QSOX1: variants seen among roughly 807,000 people sequenced by gnomAD.
QSOX1 encodes the protein quiescin sulfhydryl oxidase 1.
QSOX1 carries 40 observed loss-of-function variants against 76.1 expected under a neutral mutation model. The observed-to-expected ratio is 0.53, with a 90% CI of 0.41 to 0.68. The LOEUF is 0.68. Ranked by LOEUF, QSOX1 falls within the 30% of genes least tolerant of loss-of-function variation. The probability of loss-of-function intolerance (pLI) is 0.00; values close to 1 mark genes in which losing one functional copy is unlikely to be tolerated. For synonymous variants in QSOX1, 392 were observed against 413.1 expected (o/e 0.95, Z 0.62); for missense variants, 931 against 974.3 (o/e 0.96, Z 0.59).
intron 2 of QSOX1, among the ~76,000 whole-genome samples, chr1:180,169,346 G>A (rs1273426032): frequency 6.6e-6 from 1 of 151,580 alleles, no homozygotes; most frequent in Non-Finnish European, 1.5e-5. Flanking sequence ...GGAGCAAGGG[G>A]TACACAGCAC....
rs932108891 is a variant in QSOX1 at position 180,203,092 on chromosome 1, TA to T, written c.*6062del. 17 of 151,250 alleles carry T rather than the reference TA, an allele frequency of 1.1e-4. No homozygotes were observed. The highest frequency in any genetic ancestry group is 1.9e-4 in the East Asian group (1 of 5,168). The allele number at this position is 151,250 out of a possible 1,614,324, so 9.4% of individuals were successfully genotyped here. On this transcript the variant is annotated 3_prime_UTR_variant, in exon 12 of 12. Coordinates refer to ENST00000367602, the MANE Select transcript of QSOX1 (RefSeq NM_002826.5). ...TCTCAAAAAAATAAAAAAATAAAAA[TA>T]AAAAAATAAAGTAAAGCTACATATT...
chr1:180,182,706 G>A (rs1421207903), intron 6 of QSOX1, among the ~76,000 whole-genome samples: 1 of 152,154 alleles, frequency 6.6e-6, no homozygotes, highest in Non-Finnish European at 1.5e-5. Flanking sequence ...TTTTCTAATT[G>A]CAGAAAAGTT....
chr1:180,187,871 A>C (rs1383049714), intron 8 of QSOX1, among the ~76,000 whole-genome samples: 1 of 152,220 alleles, frequency 6.6e-6, no homozygotes, highest in African/African-American at 2.4e-5. Context: ...TTTTGCCCGC[A>C]CATCCCCTGG....
chr1:180,183,152 T>C (rs917648033), intron 6 of QSOX1, among the ~76,000 whole-genome samples: 1 of 152,004 alleles, frequency 6.6e-6, no homozygotes, highest in African/African-American at 2.4e-5. Context: ...AAATTGTTTG[T>C]GACGATGCTG....
At position 180,196,383 on chromosome 1, in the gene QSOX1, C is replaced by T. The variant is rs1164740001; in HGVS notation, c.1590C>T (p.Phe530=). Residue 530 remains phenylalanine (F), a synonymous_variant, in exon 12 of 12, where the codon TTC becomes TTT. Coordinates refer to ENST00000367602, the MANE Select transcript of QSOX1 (RefSeq NM_002826.5). The surrounding 1 kb of genome is among the most constrained non-coding windows in gnomAD (Gnocchi z 4.1). ...PVWDVEATLN[F]LKAHFSPSNI... ...GGGACGTGGAAGCCACCCTCAACTT[C>T]CTCAAGGCCCACTTCTCCCCAAGCA... The T allele has an allele frequency of 1.9e-6, 3 of 1,614,212 alleles. No individual in the cohort carries two copies. The highest frequency in any genetic ancestry group is 1.7e-5 in the Admixed American group (1 of 60,022).
chr1:180,160,145 G>C (rs1183811760), intron 1 of QSOX1, among the ~76,000 whole-genome samples: 1 of 152,114 alleles, frequency 6.6e-6, no homozygotes, highest in Non-Finnish European at 1.5e-5. Context: ...AATACTAAGA[G>C]TTTACAATAT....
At position 180,200,355 on chromosome 1, in the gene QSOX1, G is replaced by T. The variant is rs928787614; in HGVS notation, c.*3318G>T. 4 of 152,170 alleles carry T rather than the reference G, an allele frequency of 2.6e-5. No homozygotes were observed. Among genetic ancestry groups the T allele is most frequent in the African/African-American group, 7.2e-5 (3 of 41,406 alleles). 9.4% of individuals were successfully genotyped at this position (152,170 alleles called of 1,614,324 possible). ...TCAAGGGGCCCTGTTGTGCTTGGAG[G>T]GGGGTGCCGTTCCCACAGGATATTC... On this transcript the variant is annotated 3_prime_UTR_variant, in exon 12 of 12. Coordinates refer to ENST00000367602, the MANE Select transcript of QSOX1 (RefSeq NM_002826.5).
chr1:180,166,438 G>A, intron 1 of QSOX1, 53 bp from the exon 2 acceptor site: 3 of 1,427,376 alleles, frequency 2.1e-6, no homozygotes, highest in Non-Finnish European at 3.0e-6. Context: ...AGATGGGCGG[G>A]CAGAGGGGGT....
At chr1:180,174,458 G>A (rs1328538559) in intron 2 of QSOX1, among the ~76,000 whole-genome samples, 1 of 152,224 alleles carries the variant, frequency 6.6e-6, no homozygotes, top group Admixed American at 6.5e-5. Context: ...CTGTTCTGGA[G>A]ACCCCTTCCT....
chr1:180,175,473 AG>A (rs1231271176), intron 3 of QSOX1, 107 bp downstream of exon 3: 2 of 1,230,204 alleles, frequency 1.6e-6, no homozygotes, highest in African/African-American at 3.0e-5. Flanking sequence ...GGCAGGGTCG[AG>A]GGTGAGGCGG....
In QSOX1 at chr1:180,186,698, A is replaced by G. The variant is rs563709040; in HGVS notation, c.1017+516A>G. On this transcript the variant is annotated intron_variant, in intron 8 of 11. Coordinates refer to ENST00000367602, the MANE Select transcript of QSOX1 (RefSeq NM_002826.5). ...GGCTACTCCACGAAGGGTAGCTCCTATTTATTGAGGACTTGATGTTTGTCT... is the reference window on the plus strand; with the variant it reads ...GGCTACTCCACGAAGGGTAGCTCCTGTTTATTGAGGACTTGATGTTTGTCT... Among the ~76,000 whole-genome samples the G allele has an allele frequency of 2.6e-5, 4 of 152,288 alleles. No individual in the cohort carries two copies. The South Asian group carries it at 8.3e-4, about 32-fold the overall frequency.
In QSOX1 at chr1:180,200,425, A is replaced by G. The variant is rs1025409376; in HGVS notation, c.*3388A>G. ...GCTGGGCCTCCAGGTGGCAAGCCCCAAGCCACCCCGGCAGGTGCCACTGGC... is the reference window on the plus strand; with the variant it reads ...GCTGGGCCTCCAGGTGGCAAGCCCCGAGCCACCCCGGCAGGTGCCACTGGC... On this transcript the variant is annotated 3_prime_UTR_variant, in exon 12 of 12. Transcript: ENST00000367602. 1.3e-5 allele frequency: 2 copies of G among 152,112 alleles called. No individual in the cohort carries two copies. Among genetic ancestry groups the G allele is most frequent in the African/African-American group, 2.4e-5 (1 of 41,404 alleles). 9.4% of individuals were successfully genotyped at this position (152,112 alleles called of 1,614,324 possible).
At position 180,182,231 on chromosome 1, in the gene QSOX1, G is replaced by A; in HGVS notation, c.664G>A (p.Glu222Lys). 1.2e-6 allele frequency: 2 copies of A among 1,614,248 alleles called. No homozygotes were observed. Among genetic ancestry groups the A allele is most frequent in the South Asian group, 2.2e-5 (2 of 91,082 alleles). ...GVAVRRVLNT[E>K]ANVVRKFGVT... is the part of the protein sequence containing the mutation. ...GGCGGTGCGCAGGGTGCTGAACACA[G>A]AGGCCAATGTGGTGAGAAAGTTTGG... The change falls in exon 6 of 12, where the codon GAG (glutamate) becomes AAG (lysine). Residue 222 changes from glutamate (E) to lysine (K), a missense_variant. Coordinates refer to ENST00000367602, the MANE Select transcript of QSOX1 (RefSeq NM_002826.5).
In QSOX1 at chr1:180,197,367, C is replaced by A; in HGVS notation, c.*330C>A. ...AGTCCTGCCTCATTCTCACTGGAGC[C>A]TCAGTCTCTCCTGCTTGGTCTTGGC... On this transcript the variant is annotated 3_prime_UTR_variant, in exon 12 of 12. Transcript: ENST00000367602. The A allele has an allele frequency of 6.2e-7, 1 of 1,613,914 alleles. No individual in the cohort carries two copies. Among genetic ancestry groups the A allele is most frequent in the South Asian group, 1.1e-5 (1 of 91,078 alleles).
At chr1:180,169,371 G>A (rs1662711249) in intron 2 of QSOX1, among the ~76,000 whole-genome samples, 1 of 152,232 alleles carries the variant, frequency 6.6e-6, no homozygotes, top group African/African-American at 2.4e-5. Context: ...GCATAGGGGT[G>A]GGGAAGGGCA....
chr1:180,183,824 T>G, intron 6 of QSOX1, 92 bp from the exon 7 acceptor site: 2 of 1,375,334 alleles, frequency 1.5e-6, no homozygotes, highest in Non-Finnish European at 2.0e-6. Context: ...TCCTGTCCGA[T>G]GAGCCACCCT....
In QSOX1 at chr1:180,182,552, C is replaced by T. The variant is rs200319212; in HGVS notation, c.752+233C>T. 3.3e-5 allele frequency among the ~76,000 whole-genome samples: 5 copies of T among 152,320 alleles called. No individual in the cohort carries two copies. In the East Asian group the frequency reaches 5.8e-4, roughly 18 times the overall value. On this transcript the variant is annotated intron_variant, in intron 6 of 11. Transcript: ENST00000367602. ...AGAGACCTCAAAGGCCTCAGCCCCC[C>T]GCACCCAGTGTCGCCTGCACCCTCA...
At chr1:180,194,999 G>GGT (rs67499035) in intron 11 of QSOX1, among the ~76,000 whole-genome samples, 1 of 150,318 alleles carries the variant, frequency 6.7e-6, no homozygotes, top group African/African-American at 2.5e-5. Context: ...AGCCTCCCGG[G>GGT]GGGGGGAGAC....
At chr1:180,195,801 G>A (rs558232906) in intron 11 of QSOX1, among the ~76,000 whole-genome samples, 10 of 152,328 alleles carry the variant, frequency 6.6e-5, no homozygotes, top group Admixed American at 2.0e-4. Flanking sequence ...TAACCTATTT[G>A]TGCAGTTTGT....
Sources: allele counts gnomAD v4.1 joint callset (sites outside exome capture counted in the v4.1 genomes callset), GRCh38; gene constraint gnomAD v4.1.1; non-coding constraint Gnocchi (gnomAD v3.1); transcripts MANE v1.5; gene names NCBI Gene and HGNC (gene_info 2026-07-23, HGNC 2026-07-21).